Variants in COQ6 observed in about 807,000 individuals in gnomAD.
COQ6 encodes coenzyme Q6, monooxygenase.
In COQ6, 45 loss-of-function variants were observed where a neutral mutation model predicts 55.5. The observed-to-expected ratio is 0.81, with a 90% confidence interval of 0.64 to 1.04. The LOEUF is 1.04. Ranked by LOEUF, COQ6 falls within the 50% of genes least tolerant of loss-of-function variation. COQ6 has a pLI of 0.00. For missense variants in COQ6, 550 were observed against 601.3 expected (o/e 0.91, Z 0.89); for synonymous variants, 206 against 230.5 (o/e 0.89, Z 0.96).
chr14:73,962,108 C>T (rs893103147), intron 11 of COQ6, among the ~76,000 whole-genome samples: 13 of 151,722 alleles, frequency 8.6e-5, no homozygotes, highest in Admixed American at 2.6e-4. Context: ...CCACCACACC[C>T]GGCTAATTTT....
intron 4 of COQ6, among the ~76,000 whole-genome samples, chr14:73,957,657 T>A (rs1248051911): frequency 2.0e-5 from 3 of 151,890 alleles, no homozygotes; most frequent in African/African-American, 7.3e-5. Flanking sequence ...CTTGAACTCC[T>A]GGGCTCAAGT....
At position 73,951,932 on chromosome 14, in the gene COQ6, C is replaced by T. The variant is rs187808379; in HGVS notation, c.163+1437C>T. Among the ~76,000 whole-genome samples, 495 of 135,042 alleles carry T rather than the reference C, an allele frequency of 3.7e-3. 5 individuals are homozygous for T. Among genetic ancestry groups the T allele is most frequent in the African/African-American group, 0.013 (480 of 36,094 alleles). The allele number at this position is 135,042 out of a possible 152,430, so 88.6% of individuals were successfully genotyped here. On this transcript the variant is annotated intron_variant, in intron 1 of 11. Coordinates refer to ENST00000334571, the MANE Select transcript of COQ6 (RefSeq NM_182476.3). ...GGGGGAGGTTGCAGTGAGCTGAGAT[C>T]GCGCCACTGCACTCCAGCCTGGGCA...
rs2056585285 is a variant in COQ6, at chr14:73,959,172, A to C, written c.731A>C (p.Asn244Thr). 1 of 1,614,058 alleles carries C rather than the reference A, an allele frequency of 6.2e-7. No individual in the cohort carries two copies. The highest frequency in any genetic ancestry group is 1.1e-5 in the South Asian group (1 of 91,080). Reference sequence around the variant, plus strand: ...TCCTCTCTGTTGCAGGCCACAGAAAACAACGTAGCCTGGCAGAGATTTCTT... The same window carrying C: ...TCCTCTCTGTTGCAGGCCACAGAAACCAACGTAGCCTGGCAGAGATTTCTT... ...ATLHLSEATENNVAWQRFLPS... is the reference protein window; with the variant it reads ...ATLHLSEATETNVAWQRFLPS... Residue 244 changes from asparagine (N) to threonine (T), a missense_variant, in exon 7 of 12, where the codon AAC (asparagine) becomes ACC (threonine). Coordinates refer to ENST00000334571, the MANE Select transcript of COQ6 (RefSeq NM_182476.3).
chr14:73,950,363 G>A lies in COQ6; in HGVS notation c.31G>A (p.Ala11Thr), dbSNP rs764124872. Reference sequence around the variant, plus strand: ...GGCCCGGCTTGTCAGCCGATGCGGGGCTGTGCGTGCAGCTCCCCACAGCGG... The same window carrying A: ...GGCCCGGCTTGTCAGCCGATGCGGGACTGTGCGTGCAGCTCCCCACAGCGG... The part of the protein sequence containing the change: MAARLVSRCG[A>T]VRAAPHSGPL... Residue 11 changes from alanine to threonine, a missense_variant, in exon 1 of 12, where the codon GCT becomes ACT. Physicochemically the swap from Ala to Thr is moderately conservative, Grantham distance 58. Transcript: ENST00000334571. The A allele has an allele frequency of 2.2e-5, 35 of 1,559,852 alleles. No individual in the cohort carries two copies. The highest frequency in any genetic ancestry group is 2.7e-5 in the Non-Finnish European group (31 of 1,154,710).
upstream of COQ6, chr14:73,950,255 G>A (rs1185410420): frequency 6.5e-7 from 1 of 1,538,628 alleles, no homozygotes; most frequent in Non-Finnish European, 8.7e-7. Flanking sequence ...AGCGGGACGG[G>A]ATTGGAGTGC....
intron 11 of COQ6, among the ~76,000 whole-genome samples, chr14:73,962,430 A>G (rs7147088): frequency 0.4 from 60,814 of 151,588 alleles, 13,228 homozygotes; most frequent in South Asian, 0.49. Flanking sequence ...GTGGTGGCAC[A>G]TGCCTGTAGT....
chr14:73,962,798 C>G, intron 11 of COQ6, 172 bp from the exon 12 acceptor site: 1 of 632,146 alleles, frequency 1.6e-6, no homozygotes, highest in Non-Finnish European at 2.8e-6. Context: ...GCCCAGTCAA[C>G]AGAGTGAGAC....
chr14:73,958,274 G>A lies in COQ6; in HGVS notation c.609G>A (p.Leu203=). 5 of 1,613,948 alleles carry A rather than the reference G, an allele frequency of 3.1e-6. No homozygotes were observed. Among genetic ancestry groups the A allele is most frequent in the Non-Finnish European group, 3.4e-6 (4 of 1,179,894 alleles). The stretch of plus-strand genomic sequence containing the variant: ...ATGGCAGCACCTTCCAGACCAAATT[G>A]TTGGTAGTTGAAGATTCTTATTTTG... ...LGDGSTFQTK[L]LIGADGHNSG... is the part of the protein sequence containing the mutation. Residue 203 remains leucine (L), a synonymous_variant, in exon 5 of 12, where the codon TTG becomes TTA. Transcript: ENST00000334571.
intron 1 of COQ6, 174 bp downstream of exon 1, chr14:73,950,669 G>A: frequency 1.1e-6 from 1 of 951,452 alleles, no homozygotes; most frequent in South Asian, 1.7e-5. Flanking sequence ...GGTCCTTCAG[G>A]GTCCATTAGG....
In COQ6 at chr14:73,950,678, G is replaced by C. The variant is rs976854914; in HGVS notation, c.163+183G>C. 6 of 911,820 alleles carry C rather than the reference G, an allele frequency of 6.6e-6. No homozygotes were observed. In the African/African-American group the frequency reaches 1.0e-4, roughly 15 times the overall value. The allele number at this position is 911,820 out of a possible 1,614,324, so 56.5% of individuals were successfully genotyped here. A position where few individuals can be genotyped will look rare whatever the true frequency, so the allele number is the denominator to read the frequency against. ...GCGTGTGGTCCTTCAGGGTCCATTA[G>C]GGTCAAAAGTGGGAGGGGCGTTCAG... On this transcript the variant is annotated intron_variant, in intron 1 of 11. Coordinates refer to ENST00000334571, the MANE Select transcript of COQ6 (RefSeq NM_182476.3).
chr14:73,960,112 C>A (rs184295614), intron 8 of COQ6: 2 of 998,778 alleles, frequency 2.0e-6, no homozygotes, highest in Admixed American at 5.4e-5. Flanking sequence ...TTATTTTGAA[C>A]AGTTCTGCTA....
chr14:73,960,464 T>A (rs1864206723), intron 8 of COQ6: 1 of 992,596 alleles, frequency 1.0e-6, no homozygotes, highest in Admixed American at 5.4e-5. Context: ...CACTGCTCTG[T>A]AGTAGCAACA....
chr14:73,952,474 T>C (rs2056241141), intron 1 of COQ6, among the ~76,000 whole-genome samples: 1 of 151,912 alleles, frequency 6.6e-6, no homozygotes, highest in African/African-American at 2.4e-5. Flanking sequence ...TTTTGCTCTG[T>C]CCCCCAGGTA....
Position 73,963,344 on chromosome 14 carries a change from T to C in COQ6, c.*345T>C. The C allele has an allele frequency of 2.4e-6, 1 of 419,960 alleles. No homozygotes were observed. The highest frequency in any genetic ancestry group is 4.2e-6 in the Non-Finnish European group (1 of 237,808). 26.0% of individuals were successfully genotyped at this position (419,960 alleles called of 1,614,324 possible). A position where few individuals can be genotyped will look rare whatever the true frequency, so the allele number is the denominator to read the frequency against. On this transcript the variant is annotated 3_prime_UTR_variant, in exon 12 of 12. Coordinates refer to ENST00000334571, the MANE Select transcript of COQ6 (RefSeq NM_182476.3). Reference sequence around the variant, plus strand: ...CATTTTGTTTTTGTTTTAATGTTGGTCATAAATTTATACAGTTGTTTTTTG... The same window carrying C: ...CATTTTGTTTTTGTTTTAATGTTGGCCATAAATTTATACAGTTGTTTTTTG...
chr14:73,958,373 T>C, intron 5 of COQ6, 96 bp downstream of exon 5: 1 of 1,591,378 alleles, frequency 6.3e-7, no homozygotes, highest in Non-Finnish European at 8.6e-7. Context: ...TATAGTTTAA[T>C]TTTAGGCAAA....
upstream of COQ6, chr14:73,950,235 A>G (rs147905999): frequency 1.4e-4 from 211 of 1,538,616 alleles, 1 homozygote; most frequent in African/African-American, 2.3e-3. Flanking sequence ...GGTTCTGAGG[A>G]CGCCGCGGAA....
chr14:73,952,829 T>C (rs911204256), intron 1 of COQ6, among the ~76,000 whole-genome samples: 15 of 152,126 alleles, frequency 9.9e-5, no homozygotes, highest in East Asian at 3.9e-4. Flanking sequence ...GTGCCCGCCA[T>C]CACACCTGGC....
chr14:73,963,275 T>C lies in COQ6; in HGVS notation c.*276T>C, dbSNP rs573599968. The C allele has an allele frequency of 7.6e-6, 4 of 523,638 alleles. No individual in the cohort carries two copies. Among genetic ancestry groups the C allele is most frequent in the African/African-American group, 1.9e-5 (1 of 52,162 alleles). The allele number at this position is 523,638 out of a possible 1,614,324, so 32.4% of individuals were successfully genotyped here. ...TATTACTAAAAAACCCACAAGGTGC[T>C]GTCTCACTCATTTCCAGTTAATCAT... On this transcript the variant is annotated 3_prime_UTR_variant, in exon 12 of 12. Transcript: ENST00000334571.
At chr14:73,962,746 G>C in intron 11 of COQ6, 1 of 561,800 alleles carries the variant, frequency 1.8e-6, no homozygotes, top group Non-Finnish European at 3.2e-6. Context: ...GAGCCTAGGA[G>C]TTTGAGGCTG....
Sources: allele counts gnomAD v4.1 joint callset (sites outside exome capture counted in the v4.1 genomes callset), GRCh38; gene constraint gnomAD v4.1.1; transcripts MANE v1.5; gene names NCBI Gene and HGNC (gene_info 2026-07-23, HGNC 2026-07-21).